RALGPS1: variants seen among roughly 807,000 people sequenced by gnomAD.
RALGPS1 encodes the protein Ral GEF with PH domain and SH3 binding motif 1, also known as ras-specific guanine nucleotide-releasing factor RalGPS1.
Under a neutral mutation model 78.8 loss-of-function variants are expected in RALGPS1, and 19 were observed. The observed-to-expected ratio is 0.24, with a 90% CI of 0.17 to 0.35. The LOEUF is 0.35. Ranked by LOEUF, RALGPS1 falls within the 10% of genes least tolerant of loss-of-function variation. The probability of loss-of-function intolerance (pLI) is 1.00; values close to 1 mark genes in which losing one functional copy is unlikely to be tolerated. For synonymous variants in RALGPS1, 228 were observed against 256.3 expected (o/e 0.89, Z 1.06); for missense variants, 454 against 688.3 (o/e 0.66, Z 3.81).
chr9:126,962,078 C>G, intron 1 of RALGPS1, 147 bp from the exon 2 acceptor site: 3 of 567,898 alleles, frequency 5.3e-6, no homozygotes, highest in Non-Finnish European at 3.1e-6. Flanking sequence ...ATCTGTGGGC[C>G]ATAGTTAGCC....
chr9:126,972,764 G>C (rs1455216688), intron 3 of RALGPS1, among the ~76,000 whole-genome samples: 1 of 152,148 alleles, frequency 6.6e-6, no homozygotes, highest in Admixed American at 6.5e-5. Flanking sequence ...GATTAAAAGA[G>C]ATTTTAAAAG....
In RALGPS1 at chr9:127,183,073, A is replaced by G. The variant is rs1348270668; in HGVS notation, c.910+8291A>G. ...AGGCAAGTTCCCAGACTTTTAAACA[A>G]CCAGACCTCCCGTGAACTGAGTGAG... is the stretch of plus-strand genomic sequence containing the variant. On this transcript the variant is annotated intron_variant, in intron 11 of 18. Coordinates refer to ENST00000259351, the MANE Select transcript of RALGPS1 (RefSeq NM_014636.3). The surrounding 1 kb of genome is among the most constrained non-coding windows in gnomAD (Gnocchi z 4.0). Among the ~76,000 whole-genome samples the G allele has an allele frequency of 6.6e-6, 1 of 152,042 alleles. No homozygotes were observed. The highest frequency in any genetic ancestry group is 1.5e-5 in the Non-Finnish European group (1 of 67,990).
chr9:127,183,730 T>A lies in RALGPS1; in HGVS notation c.910+8948T>A, dbSNP rs1404512953. On this transcript the variant is annotated intron_variant, in intron 11 of 18. Transcript: ENST00000259351. The surrounding 1 kb of genome is among the most constrained non-coding windows in gnomAD (Gnocchi z 4.0). ...TAGGCCCTCTCTCCATGTGCTCCTC[T>A]CTCTGGAAACATACTCTCTCTGCCC... The A allele has an allele frequency of 6.8e-6, 5 of 737,938 alleles. No homozygotes were observed. Among genetic ancestry groups the A allele is most frequent in the African/African-American group, 1.8e-5 (1 of 56,188 alleles). 45.7% of individuals were successfully genotyped at this position (737,938 alleles called of 1,614,324 possible). A position where few individuals can be genotyped will look rare whatever the true frequency, so the allele number is the denominator to read the frequency against.
chr9:127,038,689 G>A (rs184288254), intron 5 of RALGPS1, among the ~76,000 whole-genome samples: 5 of 152,274 alleles, frequency 3.3e-5, no homozygotes, highest in East Asian at 3.9e-4. Flanking sequence ...GCTCATAGTC[G>A]AGTGTAGGAG....
chr9:127,177,993 T>G (rs913635855), intron 11 of RALGPS1: 2 of 1,540,124 alleles, frequency 1.3e-6, no homozygotes, highest in Non-Finnish European at 8.8e-7. Context: ...TGAAGAGACT[T>G]TAATGAACAG....
At chr9:126,946,465 C>T (rs759898817) in intron 1 of RALGPS1, among the ~76,000 whole-genome samples, 7 of 137,508 alleles carry the variant, frequency 5.1e-5, no homozygotes, top group Non-Finnish European at 1.1e-4. Context: ...ACCTGGGAGA[C>T]GGAGGTTGCA....
intron 4 of RALGPS1, among the ~76,000 whole-genome samples, chr9:126,980,053 A>G (rs1044835458): frequency 6.6e-6 from 1 of 152,190 alleles, no homozygotes; most frequent in African/African-American, 2.4e-5. Context: ...AACATTTTGG[A>G]TCTATAACAT....
At chr9:126,952,652 AGAGAGTGT>A (rs1207563777) in intron 1 of RALGPS1, among the ~76,000 whole-genome samples, 3 of 122,428 alleles carry the variant, frequency 2.5e-5, no homozygotes, top group African/African-American at 2.7e-5. Context: ...AGAGAGAGAG[AGAGAGTGT>A]GTGTGTGTGT....
intron 14 of RALGPS1, among the ~76,000 whole-genome samples, chr9:127,200,110 G>A (rs1192535687): frequency 2.0e-5 from 3 of 152,038 alleles, no homozygotes; most frequent in South Asian, 2.1e-4. Flanking sequence ...ATGCATGCAT[G>A]TACCCTCTCA....
chr9:127,206,160 G>A (rs1027691465), intron 14 of RALGPS1, among the ~76,000 whole-genome samples: 11 of 152,224 alleles, frequency 7.2e-5, no homozygotes, highest in African/African-American at 1.9e-4. Flanking sequence ...GTGCGCAGGC[G>A]CAGGTGGACA....
chr9:127,051,082 A>G (rs1243402662), intron 6 of RALGPS1, among the ~76,000 whole-genome samples: 2 of 152,196 alleles, frequency 1.3e-5, no homozygotes, highest in Admixed American at 1.3e-4. Flanking sequence ...AAGCTGCTCT[A>G]CTGGCCCTCA....
chr9:127,011,093 A>AT (rs2044295738), intron 4 of RALGPS1, among the ~76,000 whole-genome samples: 2 of 152,028 alleles, frequency 1.3e-5, no homozygotes, highest in Admixed American at 1.3e-4. Flanking sequence ...GCCAGGGGCT[A>AT]TATCTTGGCT....
At chr9:127,201,653 C>T (rs1419459113) in intron 14 of RALGPS1, among the ~76,000 whole-genome samples, 1 of 152,172 alleles carries the variant, frequency 6.6e-6, no homozygotes, top group Non-Finnish European at 1.5e-5. Flanking sequence ...CATGCTCTTT[C>T]CTGGGTCTTC....
intron 4 of RALGPS1, among the ~76,000 whole-genome samples, chr9:127,020,975 T>C (rs1201635337): frequency 6.6e-6 from 1 of 152,250 alleles, no homozygotes; most frequent in Non-Finnish European, 1.5e-5. Flanking sequence ...GTAAAATTAC[T>C]GACATTGTGC....
intron 14 of RALGPS1, among the ~76,000 whole-genome samples, chr9:127,200,107 CATGT>C (rs2061554898): frequency 6.6e-6 from 1 of 152,178 alleles, no homozygotes; most frequent in South Asian, 2.1e-4. Context: ...TGCATGCATG[CATGT>C]ACCCTCTCAC....
At chr9:127,146,051 T>C (rs573231943) in intron 8 of RALGPS1, among the ~76,000 whole-genome samples, 22 of 152,356 alleles carry the variant, frequency 1.4e-4, no homozygotes, top group Admixed American at 7.2e-4. Context: ...CACGGTGGAT[T>C]CTCGATACGT....
In RALGPS1 at chr9:127,212,783, CTG is replaced by C. The variant is rs913023546; in HGVS notation, c.1446+67_1446+68del. The C allele has an allele frequency of 2.6e-6, 4 of 1,530,348 alleles. No homozygotes were observed. The highest frequency in any genetic ancestry group is 2.3e-5 in the South Asian group (2 of 87,112). 94.8% of individuals were successfully genotyped at this position (1,530,348 alleles called of 1,614,324 possible). ...CTAGTGGGGAAGGGACCTCTGTGAA[CTG>C]TGGAGGATGGGGGTGGGAAAGGGAT... is the stretch of plus-strand genomic sequence containing the variant. On this transcript the variant is annotated intron_variant, in intron 16 of 18. Coordinates refer to ENST00000259351, the MANE Select transcript of RALGPS1 (RefSeq NM_014636.3). The surrounding 1 kb of genome is among the most constrained non-coding windows in gnomAD (Gnocchi z 6.0).
intron 8 of RALGPS1, among the ~76,000 whole-genome samples, chr9:127,134,862 C>A (rs976263434): frequency 5.3e-5 from 8 of 152,072 alleles, no homozygotes; most frequent in African/African-American, 1.7e-4. Context: ...AGAGTAAAAC[C>A]AAAGTAATGG....
At chr9:127,177,133 C>T (rs2059924829) in intron 11 of RALGPS1, among the ~76,000 whole-genome samples, 1 of 150,532 alleles carries the variant, frequency 6.6e-6, no homozygotes, top group South Asian at 2.1e-4. Flanking sequence ...TATGCCTGCC[C>T]TTTGTAGATG....
Sources: allele counts gnomAD v4.1 joint callset (sites outside exome capture counted in the v4.1 genomes callset), GRCh38; gene constraint gnomAD v4.1.1; non-coding constraint Gnocchi (gnomAD v3.1); transcripts MANE v1.5; gene names NCBI Gene and HGNC (gene_info 2026-07-23, HGNC 2026-07-21).